The following GGCX variants were observed in gnomAD, a reference collection of about 807,000 sequenced individuals.
GGCX encodes gamma-glutamyl carboxylase.
GGCX carries 63 observed loss-of-function variants against 88.5 expected under a neutral mutation model. The ratio of observed to expected loss-of-function variants is 0.71; its 90% CI spans 0.58 to 0.88. GGCX has a LOEUF of 0.88. GGCX is among the 40% of genes least tolerant of loss of function. GGCX has a pLI of 0.00. For missense variants in GGCX, 805 were observed against 932.9 expected, an observed-to-expected ratio of 0.86 and a Z score of 1.79; for synonymous variants, 368 against 365.8, an observed-to-expected ratio of 1.01 and a Z score of -0.07.
rs1691580987 is a variant in GGCX, at chr2:85,544,860, C to G, written c.*5074G>C. 6.6e-6 allele frequency: 1 copy of G among 152,580 alleles called. No homozygotes were observed. Among genetic ancestry groups the G allele is most frequent in the Non-Finnish European group, 1.5e-5 (1 of 68,032 alleles). The allele number at this position is 152,580 out of a possible 1,614,324, so 9.5% of individuals were successfully genotyped here. On this transcript the variant is annotated 3_prime_UTR_variant, in exon 15 of 15. Transcript: ENST00000233838. ...AAATCCCTTCATACTTGAACGTTTT[C>G]TAATTGCTTATTTATTGTATTCTGG...
intron 2 of GGCX, 133 bp from the exon 3 acceptor site, chr2:85,559,208 TATTA>T (rs1409758755): frequency 1.3e-6 from 1 of 775,040 alleles, no homozygotes; most frequent in Admixed American, 2.0e-5. Context: ...ATTTATTCAG[TATTA>T]ATTATTGAGT....
At position 85,553,428 on chromosome 2, in the gene GGCX, A is replaced by G; in HGVS notation, c.959T>C (p.Val320Ala). 1 of 1,613,986 alleles carries G rather than the reference A, an allele frequency of 6.2e-7. No homozygotes were observed. Among genetic ancestry groups the G allele is most frequent in the Non-Finnish European group, 8.5e-7 (1 of 1,179,916 alleles). ...FCSPEWPRKL[V>A]SYCPRRLQQL... Reference sequence around the variant, plus strand: ...TTGCAACCTTCGGGGGCAGTAGGACACCAGCTTCCGAGGCCACTCAGGGGA... The same window carrying G: ...TTGCAACCTTCGGGGGCAGTAGGACGCCAGCTTCCGAGGCCACTCAGGGGA... The change falls in exon 8 of 15, where the codon GTG becomes GCG. Residue 320 changes from valine to alanine, a missense_variant. Val to Ala is a moderately conservative substitution (Grantham distance 64). Around this residue, in one of 3 missense-constraint regions of GGCX, gnomAD observed 680 missense variants for 763.7 expected, o/e 0.89. Coordinates refer to ENST00000233838, the MANE Select transcript of GGCX (RefSeq NM_000821.7).
intron 9 of GGCX, 73 bp from the exon 10 acceptor site, chr2:85,552,640 C>T (rs1692012605): frequency 7.2e-7 from 1 of 1,392,888 alleles, no homozygotes; most frequent in African/African-American, 1.4e-5. Context: ...CTGCCAATGG[C>T]ACAACGAGAT....
At chr2:85,552,114 C>T in intron 10 of GGCX, 133 bp from the exon 11 acceptor site, 1 of 769,716 alleles carries the variant, frequency 1.3e-6, no homozygotes, top group Non-Finnish European at 2.3e-6. Flanking sequence ...CATGTTATTG[C>T]CAGTCCAGGG....
intron 6 of GGCX, 191 bp from the exon 7 acceptor site, chr2:85,554,497 A>C: frequency 1.7e-6 from 1 of 593,642 alleles, no homozygotes; most frequent in Non-Finnish European, 3.1e-6. Context: ...ACGAAGTTTC[A>C]CTCTGTCGCC....
rs1191326140 is a variant in GGCX, at chr2:85,546,507, A to G, written c.*3427T>C. 6.7e-6 allele frequency: 1 copy of G among 150,036 alleles called. No homozygotes were observed. The highest frequency in any genetic ancestry group is 1.5e-5 in the Non-Finnish European group (1 of 67,826). 9.3% of individuals were successfully genotyped at this position (150,036 alleles called of 1,614,324 possible). A position where few individuals can be genotyped will look rare whatever the true frequency, so the allele number is the denominator to read the frequency against. On this transcript the variant is annotated 3_prime_UTR_variant, in exon 15 of 15. Coordinates refer to ENST00000233838, the MANE Select transcript of GGCX (RefSeq NM_000821.7). ...TAATGCGGGTGGATCACCTGAGGTC[A>G]CGGTTTGATACCAGCCTGGCAAACT...
In GGCX at chr2:85,547,252, T is replaced by C. The variant is rs1691714971; in HGVS notation, c.*2682A>G. The stretch of plus-strand genomic sequence containing the variant: ...TTTCTAAAGTTTCAAAGGGGATGGA[T>C]ACCCATCAGGGGCAAAGATCCAAAT... On this transcript the variant is annotated 3_prime_UTR_variant, in exon 15 of 15. Coordinates refer to ENST00000233838, the MANE Select transcript of GGCX (RefSeq NM_000821.7). 1 of 152,202 alleles carries C rather than the reference T, an allele frequency of 6.6e-6. No homozygotes were observed. Among genetic ancestry groups the C allele is most frequent in the Non-Finnish European group, 1.5e-5 (1 of 68,042 alleles). 9.4% of individuals were successfully genotyped at this position (152,202 alleles called of 1,614,324 possible). A position where few individuals can be genotyped will look rare whatever the true frequency, so the allele number is the denominator to read the frequency against.
rs1363731984 is a variant in GGCX at position 85,544,950 on chromosome 2, T to C, written c.*4984A>G. On this transcript the variant is annotated 3_prime_UTR_variant, in exon 15 of 15. Coordinates refer to ENST00000233838, the MANE Select transcript of GGCX (RefSeq NM_000821.7). ...CAGCTTTTAAAAGATTTTTTTTTTT[T>C]CTCTCAACACCATGATTCCTTTAAC... 5 of 152,508 alleles carry C rather than the reference T, an allele frequency of 3.3e-5. No homozygotes were observed. The highest frequency in any genetic ancestry group is 5.9e-5 in the Non-Finnish European group (4 of 68,016). 9.4% of individuals were successfully genotyped at this position (152,508 alleles called of 1,614,324 possible). A position where few individuals can be genotyped will look rare whatever the true frequency, so the allele number is the denominator to read the frequency against.
intron 6 of GGCX, 177 bp from the exon 7 acceptor site, chr2:85,554,483 TGAAAC>T (rs1692119291): frequency 4.5e-6 from 3 of 662,922 alleles, no homozygotes; most frequent in South Asian, 1.7e-5. Flanking sequence ...TTGTTGTTGT[TGAAAC>T]GAAGTTTCAC....
chr2:85,556,882 T>C (rs1389135839), intron 4 of GGCX, among the ~76,000 whole-genome samples: 1 of 152,252 alleles, frequency 6.6e-6, no homozygotes, highest in Non-Finnish European at 1.5e-5. Context: ...TCTGCAGTCA[T>C]GAACACCTGG....
At chr2:85,553,131 C>G in intron 8 of GGCX, 61 bp from the exon 9 acceptor site, 1 of 1,613,368 alleles carries the variant, frequency 6.2e-7, no homozygotes, top group Non-Finnish European at 8.5e-7. Context: ...CCATCCCCTA[C>G]CAAGAAGGGG....
chr2:85,550,710 T>G lies in GGCX; in HGVS notation c.1929A>C (p.Glu643Asp). The change falls in exon 14 of 15, where the codon GAA (glutamate) becomes GAC (aspartate). Residue 643 changes from glutamate (E) to aspartate (D), a missense_variant. Transcript: ENST00000233838. ...PLPPELQPLL[E>D]GEVKGGPEPT... ...GCTCAGGGCCCCCTTTTACTTCCCC[T>G]TCCAACAGAGGCTGCAGCTCTGGGG... is the stretch of plus-strand genomic sequence containing the variant. 6.2e-7 allele frequency: 1 copy of G among 1,614,094 alleles called. No individual in the cohort carries two copies. Among genetic ancestry groups the G allele is most frequent in the Non-Finnish European group, 8.5e-7 (1 of 1,179,994 alleles).
At chr2:85,554,738 G>A (rs1036612067) in intron 6 of GGCX, 2 of 267,542 alleles carry the variant, frequency 7.5e-6, no homozygotes, top group African/African-American at 4.4e-5. Context: ...AAAGTGCCGG[G>A]ATTACAGGCA....
intron 4 of GGCX, among the ~76,000 whole-genome samples, chr2:85,558,044 A>C (rs1692276851): frequency 1.3e-5 from 2 of 152,144 alleles, no homozygotes; most frequent in African/African-American, 4.8e-5. Flanking sequence ...CCTCACAGCA[A>C]CTTCTACTTT....
In GGCX at chr2:85,551,589, A is replaced by T; in HGVS notation, c.1631T>A (p.Val544Glu). 2 of 1,613,864 alleles carry T rather than the reference A, an allele frequency of 1.2e-6. No individual in the cohort carries two copies. The highest frequency in any genetic ancestry group is 1.7e-6 in the Non-Finnish European group (2 of 1,180,014). Residue 544 changes from valine (V) to glutamate (E), a missense_variant, in exon 12 of 15, where the codon GTG (valine) becomes GAG (glutamate). This residue lies in a region of GGCX where 680 missense variants were observed against 763.7 expected (regional missense o/e 0.89). Transcript: ENST00000233838. ...DFPGLHLENF[V>E]SEDLGNTSIQ... ...GCTAGTGTTGCCCAGGTCTTCACTC[A>T]CAAAATTCTCCAAGTGCAGTCCTGC...
intron 13 of GGCX, 55 bp from the exon 14 acceptor site, chr2:85,550,805 TAG>T: frequency 6.3e-7 from 1 of 1,588,530 alleles, no homozygotes; most frequent in East Asian, 2.2e-5. Flanking sequence ...TCTCTCCCCT[TAG>T]AACTCCTCTT....
rs768656689 is a variant in GGCX, at chr2:85,553,059, G to A, written c.1167C>T (p.Asn389=). The A allele has an allele frequency of 1.2e-6, 2 of 1,614,200 alleles. No homozygotes were observed. Among genetic ancestry groups the A allele is most frequent in the African/African-American group, 2.7e-5 (2 of 75,056 alleles). ...AATAGCCATACAGCCCATTTGTCCA[G>A]TTGTTATAGCCCTGGGAAGGCAGCA... ...YSHFLTQGYN[N]WTNGLYGYSW... is the part of the protein sequence containing the mutation. Residue 389 remains asparagine (N), a synonymous_variant, in exon 9 of 15, where the codon AAC becomes AAT. Coordinates refer to ENST00000233838, the MANE Select transcript of GGCX (RefSeq NM_000821.7).
rs770127785 is a variant in GGCX at position 85,553,432 on chromosome 2, G to A, written c.955C>T (p.Leu319=). ...LFCSPEWPRK[L]VSYCPRRLQQ... Reference sequence around the variant, plus strand: ...AACCTTCGGGGGCAGTAGGACACCAGCTTCCGAGGCCACTCAGGGGAGCAG... The same window carrying A: ...AACCTTCGGGGGCAGTAGGACACCAACTTCCGAGGCCACTCAGGGGAGCAG... The change falls in exon 8 of 15, where the codon CTG becomes TTG. Residue 319 remains leucine, a synonymous_variant. Coordinates refer to ENST00000233838, the MANE Select transcript of GGCX (RefSeq NM_000821.7). 1 of 1,613,962 alleles carries A rather than the reference G, an allele frequency of 6.2e-7. No homozygotes were observed. Among genetic ancestry groups the A allele is most frequent in the African/African-American group, 1.3e-5 (1 of 75,064 alleles).
Position 85,561,432 on chromosome 2 carries a change from T to TCTGCGGAGGAGGCAGGTGGGTCACAGCTG in GGCX, c.-33_-5dup. The TCTGCGGAGGAGGCAGGTGGGTCACAGCTG allele has an allele frequency of 6.4e-7, 1 of 1,571,364 alleles. No individual in the cohort carries two copies. The highest frequency in any genetic ancestry group is 1.3e-5 in the African/African-American group (1 of 74,746). On this transcript the variant is annotated 5_prime_UTR_variant, in exon 1 of 15. Coordinates refer to ENST00000233838, the MANE Select transcript of GGCX (RefSeq NM_000821.7). ...CGGACCCGGCAGACACCGCCATTGC[T>TCTGCGGAGGAGGCAGGTGGGTCACAGCTG]CTGCGGAGGAGGCAGGTGGGTCACA...
Sources: gnomAD v4.1 joint callset for allele counts (sites outside exome capture counted in the v4.1 genomes callset) on GRCh38, gnomAD v4.1.1 for gene constraint, gnomAD v4.1.1 regional missense constraint, MANE v1.5 for transcripts, NCBI Gene and HGNC (gene_info 2026-07-23, HGNC 2026-07-21) for gene names.